The following SSBP3 variants were observed in gnomAD, a reference collection of about 807,000 sequenced individuals.
SSBP3 encodes single stranded DNA binding protein 3, also known as single-stranded DNA-binding protein 3.
A neutral mutation model predicts 69.6 loss-of-function variants in SSBP3; 5 were observed. That is an observed-to-expected ratio of 0.07 (90% CI 0.04 to 0.15). SSBP3 has a LOEUF of 0.15. Ranked by LOEUF, SSBP3 falls within the 10% of genes least tolerant of loss-of-function variation. The pLI, the probability that SSBP3 is intolerant of heterozygous loss-of-function variation, is 1.00. For missense variants in SSBP3, 312 were observed against 534.0 expected, an observed-to-expected ratio of 0.58 and a Z score of 4.10; for synonymous variants, 196 against 193.4, an observed-to-expected ratio of 1.01 and a Z score of -0.11.
intron 4 of SSBP3, among the ~76,000 whole-genome samples, chr1:54,310,950 T>C (rs1399834786): frequency 6.6e-6 from 1 of 152,146 alleles, no homozygotes; most frequent in Non-Finnish European, 1.5e-5. Flanking sequence ...GGGGCTGACA[T>C]CACCTGGAAG....
intron 9 of SSBP3, among the ~76,000 whole-genome samples, chr1:54,250,660 A>G (rs1401636077): frequency 6.6e-6 from 1 of 152,158 alleles, no homozygotes; most frequent in Non-Finnish European, 1.5e-5. Context: ...GCAGAACAGA[A>G]AAGAAGGGAA....
upstream of SSBP3, among the ~76,000 whole-genome samples, chr1:54,409,528 C>G (rs772405486): frequency 6.6e-6 from 1 of 152,136 alleles, no homozygotes; most frequent in Non-Finnish European, 1.5e-5. Context: ...GGAAAACTCA[C>G]CCCAGCCCCA....
At chr1:54,337,485 C>CTTTTGTTTTT (rs1646529276) in intron 4 of SSBP3, among the ~76,000 whole-genome samples, 1 of 51,134 alleles carries the variant, frequency 2.0e-5, no homozygotes, top group East Asian at 9.3e-4. Flanking sequence ...TTTCCTCAAG[C>CTTTTGTTTTT]TTTTTTTTTT....
At chr1:54,396,808 CCCCGCCCCACCT>C (rs886447077) in intron 4 of SSBP3, among the ~76,000 whole-genome samples, 8 of 152,194 alleles carry the variant, frequency 5.3e-5, no homozygotes, top group African/African-American at 4.8e-5. Context: ...CCACCACTCC[CCCCGCCCCACCT>C]CCCGCCTTGA....
chr1:54,377,315 G>A lies in SSBP3; in HGVS notation c.276+24546C>T, dbSNP rs192592106. Among the ~76,000 whole-genome samples the A allele has an allele frequency of 3.7e-4, 56 of 152,348 alleles. No homozygotes were observed. The South Asian group carries it at 0.01, about 28-fold the overall frequency. ...CCTGATAAGCCCTCAAGGTTACTCC[G>A]TAAACCCGAAGGGCAGGAGTGCTCC... is the stretch of plus-strand genomic sequence containing the variant. On this transcript the variant is annotated intron_variant, in intron 4 of 17. Transcript: ENST00000610401.
At chr1:54,405,884 C>A in intron 1 of SSBP3, 69 bp downstream of exon 1, 1 of 462,782 alleles carries the variant, frequency 2.2e-6, no homozygotes, top group South Asian at 4.8e-5. Flanking sequence ...GCCCGCCCAC[C>A]TGCCTCCCAC....
At chr1:54,262,561 G>T (rs1164395413) in intron 5 of SSBP3, among the ~76,000 whole-genome samples, 1 of 152,158 alleles carries the variant, frequency 6.6e-6, no homozygotes, top group Non-Finnish European at 1.5e-5. Flanking sequence ...CTGAGGAGCT[G>T]CCAGGCTAAG....
intron 4 of SSBP3, among the ~76,000 whole-genome samples, chr1:54,377,826 A>G (rs1011625227): frequency 6.6e-6 from 1 of 152,248 alleles, no homozygotes; most frequent in Non-Finnish European, 1.5e-5. Context: ...ACAAAAACGC[A>G]TATGAAGACC....
intron 4 of SSBP3, among the ~76,000 whole-genome samples, chr1:54,284,148 A>G (rs1191265799): frequency 1.0e-5 from 1 of 95,924 alleles, no homozygotes; most frequent in African/African-American, 4.2e-5. Context: ...GGGTCTTACT[A>G]TGTTGCCCAG....
At chr1:54,358,307 A>G (rs990068629) in intron 4 of SSBP3, among the ~76,000 whole-genome samples, 11 of 152,206 alleles carry the variant, frequency 7.2e-5, no homozygotes, top group African/African-American at 2.7e-4. Flanking sequence ...ACAGACCCTC[A>G]GTATTTAGAT....
chr1:54,356,195 G>A (rs1396021872), intron 4 of SSBP3, among the ~76,000 whole-genome samples: 2 of 152,286 alleles, frequency 1.3e-5, no homozygotes, highest in African/African-American at 2.4e-5. Context: ...AGGGTAGCGT[G>A]CAGATGAGCC....
intron 11 of SSBP3, 95 bp downstream of exon 11, chr1:54,242,069 C>T (rs1644648667): frequency 7.1e-7 from 1 of 1,417,464 alleles, no homozygotes. Flanking sequence ...CTGCATCTCC[C>T]ACTTCCCGTG....
chr1:54,411,895 A>AAC (rs1650003936), intron 1 of SSBP3, among the ~76,000 whole-genome samples: 1 of 150,236 alleles, frequency 6.7e-6, no homozygotes, highest in South Asian at 2.1e-4. Context: ...CCGTCTCAAA[A>AAC]AAAAAAAAAA....
chr1:54,347,448 A>G (rs1184333732), intron 4 of SSBP3, among the ~76,000 whole-genome samples: 1 of 150,768 alleles, frequency 6.6e-6, no homozygotes, highest in South Asian at 2.1e-4. Flanking sequence ...CAATCCTCCC[A>G]CCTTAGCCTC....
intron 4 of SSBP3, among the ~76,000 whole-genome samples, chr1:54,300,927 T>C (rs1645789807): frequency 6.6e-6 from 1 of 152,230 alleles, no homozygotes; most frequent in Non-Finnish European, 1.5e-5. Context: ...GGAAATCCAC[T>C]GATATCCACG....
intron 14 of SSBP3, 68 bp from the exon 15 acceptor site, chr1:54,228,894 G>C (rs1644334215): frequency 2.6e-6 from 4 of 1,522,452 alleles, no homozygotes; most frequent in Admixed American, 1.9e-5. Flanking sequence ...ACAGGCAGGG[G>C]GCTGCAGCCA....
intron 5 of SSBP3, among the ~76,000 whole-genome samples, chr1:54,259,606 AAG>A (rs1644982891): frequency 6.6e-6 from 1 of 152,248 alleles, no homozygotes; most frequent in East Asian, 1.9e-4. Context: ...CTAAATTAAA[AAG>A]AGAGAGGAGC....
chr1:54,250,231 A>G (rs1387973331), intron 9 of SSBP3, among the ~76,000 whole-genome samples: 1 of 152,268 alleles, frequency 6.6e-6, no homozygotes, highest in Admixed American at 6.5e-5. Flanking sequence ...GAACACAACC[A>G]GAATATTGGA....
intron 5 of SSBP3, among the ~76,000 whole-genome samples, chr1:54,262,095 TG>T (rs1645026424): frequency 6.6e-6 from 1 of 152,208 alleles, no homozygotes; most frequent in South Asian, 2.1e-4. Flanking sequence ...TGGAAGGAAC[TG>T]GGTTCGAATC....
Sources: allele counts gnomAD v4.1 joint callset (sites outside exome capture counted in the v4.1 genomes callset), GRCh38; gene constraint gnomAD v4.1.1; transcripts MANE v1.5; gene names NCBI Gene and HGNC (gene_info 2026-07-23, HGNC 2026-07-21).